ANXA8: variants seen among roughly 807,000 people sequenced by gnomAD.
The protein encoded by ANXA8 is VAC-beta.
ANXA8 carries 9 observed loss-of-function variants against 26.8 expected under a neutral mutation model. The ratio of observed to expected loss-of-function variants is 0.34; its 90% confidence interval spans 0.20 to 0.59. ANXA8 has a LOEUF of 0.59. Ranked by LOEUF, ANXA8 falls within the 20% of genes least tolerant of loss-of-function variation. The probability of loss-of-function intolerance (pLI) is 0.84; values close to 1 mark genes in which losing one functional copy is unlikely to be tolerated. For missense variants in ANXA8, 83 were observed against 238.5 expected (o/e 0.35, Z 4.29); for synonymous variants, 39 against 94.8 (o/e 0.41, Z 3.42).
At chr10:47,768,890 C>T in the ANXA8 span, among the ~76,000 whole-genome samples, 229 of 151,000 alleles carry the variant, frequency 1.5e-3, 2 homozygotes, top group African/African-American at 5.4e-3. Context: ...GCACATGACA[C>T]GCCACTGGTA....
the ANXA8 span, among the ~76,000 whole-genome samples, chr10:47,636,340 ATG>A: frequency 7.1e-6 from 1 of 141,750 alleles, no homozygotes; most frequent in Non-Finnish European, 1.5e-5. Context: ...ATGAAGGGAA[ATG>A]TGTAGATTTT....
chr10:47,476,680 G>A (rs1839553947), intron 4 of ANXA8, among the ~76,000 whole-genome samples: 2 of 77,288 alleles, frequency 2.6e-5, no homozygotes, highest in African/African-American at 4.8e-5. Context: ...TGCAGCAAGT[G>A]TCTTTCCAAA....
the ANXA8 span, among the ~76,000 whole-genome samples, chr10:47,954,373 A>G: frequency 2.0e-5 from 3 of 151,096 alleles, no homozygotes; most frequent in Non-Finnish European, 4.4e-5. Context: ...TAGAGAGTGG[A>G]ATGATGGTCA....
At chr10:47,896,780 C>G in the ANXA8 span, among the ~76,000 whole-genome samples, 1 of 151,758 alleles carries the variant, frequency 6.6e-6, no homozygotes, top group Non-Finnish European at 1.5e-5. Context: ...AAAGATAATG[C>G]TCACTGAAGG....
chr10:47,698,966 A>G, the ANXA8 span, among the ~76,000 whole-genome samples: 1 of 151,688 alleles, frequency 6.6e-6, no homozygotes, highest in African/African-American at 2.4e-5. Context: ...AGGCATTGTC[A>G]TTAAAACCAG....
the ANXA8 span, among the ~76,000 whole-genome samples, chr10:47,649,328 A>AC: frequency 1.3e-5 from 2 of 151,612 alleles, no homozygotes; most frequent in African/African-American, 4.9e-5. Context: ...CTATTCTGTC[A>AC]CCATTTAACC....
At chr10:47,549,143 A>C in the ANXA8 span, among the ~76,000 whole-genome samples, 5 of 136,928 alleles carry the variant, frequency 3.7e-5, no homozygotes, top group African/African-American at 1.4e-4. Flanking sequence ...TTTATTACTA[A>C]TATTATTATC....
At chr10:47,655,780 G>A in the ANXA8 span, among the ~76,000 whole-genome samples, 1 of 151,964 alleles carries the variant, frequency 6.6e-6, no homozygotes, top group Non-Finnish European at 1.5e-5. Context: ...CAGCACTTTG[G>A]GAGGCCGAGG....
the ANXA8 span, among the ~76,000 whole-genome samples, chr10:47,657,048 A>G: frequency 1.3e-5 from 2 of 148,340 alleles, no homozygotes; most frequent in African/African-American, 4.9e-5. Flanking sequence ...TGTTATATTT[A>G]TTTTTCTATT....
chr10:47,894,782 GCA>G, the ANXA8 span, among the ~76,000 whole-genome samples: 3 of 149,520 alleles, frequency 2.0e-5, no homozygotes, highest in Non-Finnish European at 4.4e-5. Flanking sequence ...ACACATCACA[GCA>G]CACCACACAC....
At chr10:47,664,716 T>C in the ANXA8 span, among the ~76,000 whole-genome samples, 3 of 149,422 alleles carry the variant, frequency 2.0e-5, no homozygotes, top group African/African-American at 7.4e-5. Context: ...GCCAGAGGAA[T>C]ATTGGGTTTT....
chr10:47,502,243 T>C, the ANXA8 span: 3 of 1,591,584 alleles, frequency 1.9e-6, no homozygotes, highest in Non-Finnish European at 8.5e-7. Flanking sequence ...GCAGGCCAGA[T>C]GGAGTGCCGT....
the ANXA8 span, among the ~76,000 whole-genome samples, chr10:47,495,073 C>A: frequency 1.3e-5 from 2 of 150,474 alleles, no homozygotes; most frequent in Admixed American, 1.3e-4. Context: ...CTCTCTCTCT[C>A]TCTCCCACCT....
the ANXA8 span, among the ~76,000 whole-genome samples, chr10:47,748,056 A>G: frequency 6.6e-6 from 1 of 152,182 alleles, no homozygotes; most frequent in Non-Finnish European, 1.5e-5. Flanking sequence ...CAGGCCTAAC[A>G]CATATGTAAC....
the ANXA8 span, among the ~76,000 whole-genome samples, chr10:47,509,427 G>T: frequency 0.048 from 5,081 of 105,638 alleles, 28 homozygotes; most frequent in African/African-American, 0.19. Context: ...GTGTAAACTT[G>T]CCACTTTTAA....
chr10:47,988,914 A>G, the ANXA8 span, among the ~76,000 whole-genome samples: 2 of 151,838 alleles, frequency 1.3e-5, no homozygotes, highest in Non-Finnish European at 2.9e-5. Flanking sequence ...AGTTGTGCTC[A>G]TCGGTGTCCA....
chr10:47,676,987 C>A, the ANXA8 span, among the ~76,000 whole-genome samples: 1 of 71,950 alleles, frequency 1.4e-5, no homozygotes, highest in Admixed American at 1.7e-4. Context: ...CCATAAAGAG[C>A]TGAAAGAAAA....
the ANXA8 span, among the ~76,000 whole-genome samples, chr10:47,663,655 A>G: frequency 7.2e-6 from 1 of 138,422 alleles, no homozygotes; most frequent in East Asian, 2.2e-4. Flanking sequence ...AAGTGTTAGG[A>G]TTTCAGGTGT....
At chr10:47,744,413 G>GGGGGGGGGTGGGGGGGGAGGGGGGAA in the ANXA8 span, among the ~76,000 whole-genome samples, 6 of 3,976 alleles carry the variant, frequency 1.5e-3, no homozygotes, top group African/African-American at 2.4e-3. Context: ...GCTCCTGGTG[G>GGGGGGGGGTGGGGGGGGAGGGGGGAA]GGGGGGGGTT....
Sources: allele counts gnomAD v4.1 joint callset (sites outside exome capture counted in the v4.1 genomes callset), GRCh38; gene constraint gnomAD v4.1.1; transcripts MANE v1.5; gene names NCBI Gene and HGNC (gene_info 2026-07-23, HGNC 2026-07-21).